Variants in EPB41L3 observed in about 807,000 individuals in gnomAD.
EPB41L3 encodes erythrocyte membrane protein band 4.1 like 3, also known as band 4.1-like protein 3.
Under a neutral mutation model 127.1 loss-of-function variants are expected in EPB41L3, and 57 were observed. That is an observed-to-expected ratio of 0.45 (90% CI 0.36 to 0.56). EPB41L3 has a LOEUF of 0.56. Among genes scored for constraint, EPB41L3 ranks in the 20% least tolerant of loss-of-function variants. The pLI is 0.00. For synonymous variants in EPB41L3, 572 were observed against 549.5 expected, an observed-to-expected ratio of 1.04 and a Z score of -0.57; for missense variants, 1,273 against 1,372.2, an observed-to-expected ratio of 0.93 and a Z score of 1.14.
chr18:5,446,628 T>C (rs1217496856), intron 3 of EPB41L3, among the ~76,000 whole-genome samples: 1 of 152,248 alleles, frequency 6.6e-6, no homozygotes, highest in African/African-American at 2.4e-5. Context: ...TGTGTTGTGT[T>C]ATAGTGCAGC....
chr18:5,447,148 T>G (rs2081586696), intron 3 of EPB41L3, among the ~76,000 whole-genome samples: 1 of 152,198 alleles, frequency 6.6e-6, no homozygotes, highest in South Asian at 2.1e-4. Context: ...CCCTTGCAGC[T>G]ATGTAAAATG....
intron 1 of EPB41L3, among the ~76,000 whole-genome samples, chr18:5,517,108 G>C (rs2092781437): frequency 6.6e-6 from 1 of 152,098 alleles, no homozygotes; most frequent in African/African-American, 2.4e-5. Context: ...TTCTGTTCAT[G>C]CGTCTATCAC....
intron 1 of EPB41L3, among the ~76,000 whole-genome samples, chr18:5,628,701 G>T (rs909902327): frequency 6.6e-6 from 1 of 152,246 alleles, no homozygotes; most frequent in African/African-American, 2.4e-5. Flanking sequence ...AGACGCGGCC[G>T]GCGGGCCGAG....
chr18:5,456,351 A>C (rs1428211397), intron 3 of EPB41L3, among the ~76,000 whole-genome samples: 1 of 152,246 alleles, frequency 6.6e-6, no homozygotes, highest in Non-Finnish European at 1.5e-5. Flanking sequence ...AAGAATATCA[A>C]GGTATTACAT....
intron 1 of EPB41L3, among the ~76,000 whole-genome samples, chr18:5,622,798 TA>T (rs1304623530): frequency 6.6e-6 from 1 of 152,126 alleles, no homozygotes; most frequent in Non-Finnish European, 1.5e-5. Flanking sequence ...CTGTGACTAT[TA>T]GGGGGAAAGA....
At chr18:5,574,431 TTTTA>T (rs947007895) in intron 3 of EPB41L3, among the ~76,000 whole-genome samples, 9 of 151,350 alleles carry the variant, frequency 5.9e-5, no homozygotes, top group East Asian at 3.9e-4. Context: ...CTCAACCTGA[TTTTA>T]TTTATTTATT....
chr18:5,601,461 T>A (rs905623697), intron 3 of EPB41L3, among the ~76,000 whole-genome samples: 4 of 152,196 alleles, frequency 2.6e-5, no homozygotes, highest in African/African-American at 9.6e-5. Context: ...TGACATAGCC[T>A]GCAGGGATCT....
intron 3 of EPB41L3, among the ~76,000 whole-genome samples, chr18:5,591,343 G>A (rs1471195268): frequency 2.4e-5 from 3 of 125,860 alleles, no homozygotes; most frequent in African/African-American, 5.2e-5. Context: ...AAGAGCAAGC[G>A]CCATCAGATT....
rs563662904 is a variant in EPB41L3, at chr18:5,499,829, G to GTGTGTATATA, written c.-11-10636_-11-10635insTATATACACA. Among the ~76,000 whole-genome samples the GTGTGTATATA allele has an allele frequency of 1.1e-4, 14 of 124,664 alleles. 1 individual carries two copies. The East Asian group carries it at 1.2e-3, about 11-fold the overall frequency. The allele number at this position is 124,664 out of a possible 152,430, so 81.8% of individuals were successfully genotyped here. A position where few individuals can be genotyped will look rare whatever the true frequency, so the allele number is the denominator to read the frequency against. ...CCTACTACATACTTACTATGTGTGT[G>GTGTGTATATA]TATATATATATATATATATGGCATT... On this transcript the variant is annotated intron_variant, in intron 1 of 22. Coordinates refer to ENST00000341928, the MANE Select transcript of EPB41L3 (RefSeq NM_012307.5).
At chr18:5,468,034 C>A (rs12954936) in intron 3 of EPB41L3, among the ~76,000 whole-genome samples, 1 of 152,032 alleles carries the variant, frequency 6.6e-6, no homozygotes, top group Non-Finnish European at 1.5e-5. Context: ...GCACCCACTC[C>A]AATTTCAGAG....
intron 2 of EPB41L3, among the ~76,000 whole-genome samples, chr18:5,483,740 T>C (rs1321407252): frequency 6.6e-6 from 1 of 151,794 alleles, no homozygotes; most frequent in African/African-American, 2.4e-5. Flanking sequence ...CACTACATAA[T>C]GATAAAGGGG....
intron 4 of EPB41L3, among the ~76,000 whole-genome samples, chr18:5,444,553 G>C (rs2081222895): frequency 6.6e-6 from 1 of 152,168 alleles, no homozygotes; most frequent in Non-Finnish European, 1.5e-5. Flanking sequence ...AGGAGATACA[G>C]CCCTGAACAC....
chr18:5,546,299 G>A (rs930654756), upstream of EPB41L3, among the ~76,000 whole-genome samples: 15 of 152,162 alleles, frequency 9.9e-5, no homozygotes, highest in Admixed American at 1.3e-4. Flanking sequence ...TTGGGAGGCT[G>A]AGGCCGGTGG....
At chr18:5,544,876 G>A (rs1273231949), upstream of EPB41L3, among the ~76,000 whole-genome samples, 2 of 152,004 alleles carry the variant, frequency 1.3e-5, no homozygotes, top group East Asian at 1.9e-4. Context: ...TTGCATGCCT[G>A]TATCAAAACA....
intron 3 of EPB41L3, among the ~76,000 whole-genome samples, chr18:5,564,863 T>C (rs917240218): frequency 1.3e-5 from 2 of 152,142 alleles, no homozygotes; most frequent in Non-Finnish European, 2.9e-5. Context: ...GGGGAGATAC[T>C]GGACAATGCA....
chr18:5,401,443 A>G (rs541890361), intron 16 of EPB41L3, among the ~76,000 whole-genome samples: 1 of 152,288 alleles, frequency 6.6e-6, no homozygotes, highest in East Asian at 1.9e-4. Flanking sequence ...ATTTTTAAAA[A>G]TTTAAAATTT....
intron 1 of EPB41L3, among the ~76,000 whole-genome samples, chr18:5,532,266 C>T (rs193004140): frequency 6.6e-6 from 1 of 152,328 alleles, no homozygotes; most frequent in East Asian, 1.9e-4. Context: ...TACTCATCCC[C>T]TTGTTTAAAA....
chr18:5,542,873 A>C (rs2093773413), intron 1 of EPB41L3, among the ~76,000 whole-genome samples: 1 of 152,228 alleles, frequency 6.6e-6, no homozygotes, highest in South Asian at 2.1e-4. Flanking sequence ...AAGGGGAAGA[A>C]GTCCGGCGAG....
chr18:5,587,905 A>G (rs1476051131), intron 3 of EPB41L3, among the ~76,000 whole-genome samples: 1 of 152,198 alleles, frequency 6.6e-6, no homozygotes, highest in African/African-American at 2.4e-5. Context: ...AGGAATGTAA[A>G]CCTTTTAGAA....
Sources: allele counts gnomAD v4.1 joint callset (sites outside exome capture counted in the v4.1 genomes callset), GRCh38; gene constraint gnomAD v4.1.1; transcripts MANE v1.5; gene names NCBI Gene and HGNC (gene_info 2026-07-23, HGNC 2026-07-21).